CLN6: variants seen among roughly 807,000 people sequenced by gnomAD.
CLN6 encodes CLN6 transmembrane ER protein.
In CLN6, 22 loss-of-function variants were observed where a neutral mutation model predicts 33.3. The ratio of observed to expected loss-of-function variants is 0.66; its 90% confidence interval spans 0.47 to 0.94. The LOEUF (loss-of-function observed/expected upper bound fraction) is 0.94, where lower values mean the gene tolerates loss of function less well. Among genes scored for constraint, CLN6 ranks in the 40% least tolerant of loss-of-function variants. The pLI is 0.00. For missense variants in CLN6, 387 were observed against 417.1 expected (o/e 0.93, Z 0.63); for synonymous variants, 201 against 174.6 (o/e 1.15, Z -1.19).
intron 1 of CLN6, among the ~76,000 whole-genome samples, chr15:68,222,928 C>CAT (rs1316967557): frequency 6.6e-6 from 1 of 152,132 alleles, no homozygotes; most frequent in Non-Finnish European, 1.5e-5. Context: ...TTGAAGGCAG[C>CAT]ATGCTCGTTA....
Position 68,211,220 on chromosome 15 carries a change from G to T in CLN6, c.542+43C>A. The T allele has an allele frequency of 6.3e-7, 1 of 1,577,160 alleles. No individual in the cohort carries two copies. Among genetic ancestry groups the T allele is most frequent in the Non-Finnish European group, 8.7e-7 (1 of 1,146,478 alleles). On this transcript the variant is annotated intron_variant, in intron 5 of 6. Transcript: ENST00000249806. This position sits in a 1 kb window ranked among gnomAD's most constrained non-coding sequence, Gnocchi z 5.9. ...CCTGAGCCAGTGACAGGGCTAGCCGGTAGTTGGGGCCCCTGGGATAGACAG... is the reference window on the plus strand; with the variant it reads ...CCTGAGCCAGTGACAGGGCTAGCCGTTAGTTGGGGCCCCTGGGATAGACAG...
At chr15:68,252,420 TA>T (rs1567106817) in intron 1 of CLN6, among the ~76,000 whole-genome samples, 1 of 152,220 alleles carries the variant, frequency 6.6e-6, no homozygotes, top group East Asian at 1.9e-4. Context: ...TAAATATAAA[TA>T]AATGCCACAA....
rs2093200492 is a variant in CLN6, at chr15:68,210,065, C to G, written c.543-306G>C. On this transcript the variant is annotated intron_variant, in intron 5 of 6. Coordinates refer to ENST00000249806, the MANE Select transcript of CLN6 (RefSeq NM_017882.3). This position sits in a 1 kb window ranked among gnomAD's most constrained non-coding sequence, Gnocchi z 5.6. ...GGGGGGTTGTCTGTCTCATGCACCG[C>G]AGACACCAGCAGCCCAGCACCACAC... Among the ~76,000 whole-genome samples the G allele has an allele frequency of 6.6e-6, 1 of 152,144 alleles. No homozygotes were observed. Among genetic ancestry groups the G allele is most frequent in the South Asian group, 2.1e-4 (1 of 4,828 alleles).
upstream of CLN6, among the ~76,000 whole-genome samples, chr15:68,232,905 C>T (rs974227512): frequency 2.6e-5 from 4 of 152,026 alleles, no homozygotes; most frequent in East Asian, 1.9e-4. The surrounding 1 kb of genome is among the most constrained non-coding windows in gnomAD (Gnocchi z 4.7). Flanking sequence ...AACTGGGTGT[C>T]GTGGCATGTG....
At chr15:68,253,852 T>C (rs1461190618) in intron 1 of CLN6, among the ~76,000 whole-genome samples, 1 of 148,870 alleles carries the variant, frequency 6.7e-6, no homozygotes, top group Non-Finnish European at 1.5e-5. Flanking sequence ...GTAATACCTA[T>C]GCCTATGATA....
intron 1 of CLN6, among the ~76,000 whole-genome samples, chr15:68,224,609 ACT>A (rs1167530020): frequency 2.0e-5 from 2 of 99,856 alleles, no homozygotes; most frequent in East Asian, 2.6e-4. Flanking sequence ...ATACAAAAAG[ACT>A]CTGTCTCAAA....
chr15:68,231,660 G>A (rs972841070), upstream of CLN6, among the ~76,000 whole-genome samples: 5 of 152,374 alleles, frequency 3.3e-5, no homozygotes, highest in East Asian at 3.9e-4. Flanking sequence ...AGAGGATGAG[G>A]CCGTGTGGAG....
In CLN6 at chr15:68,208,853, C is replaced by G. The variant is rs2093195959; in HGVS notation, c.666-443G>C. On this transcript the variant is annotated intron_variant, in intron 6 of 6. Coordinates refer to ENST00000249806, the MANE Select transcript of CLN6 (RefSeq NM_017882.3). The surrounding 1 kb of genome is among the most constrained non-coding windows in gnomAD (Gnocchi z 5.8). ...GCTGCCACCCATTCTTTTTAATCCC[C>G]AGAGAGCATACAGATGAGCCCCAGT... 6.6e-6 allele frequency among the ~76,000 whole-genome samples: 1 copy of G among 152,210 alleles called. No individual in the cohort carries two copies. The highest frequency in any genetic ancestry group is 6.5e-5 in the Admixed American group (1 of 15,288).
intron 1 of CLN6, among the ~76,000 whole-genome samples, chr15:68,237,470 A>G (rs1892232506): frequency 1.3e-5 from 2 of 152,224 alleles, no homozygotes; most frequent in African/African-American, 4.8e-5. Context: ...CTTGGGCAAC[A>G]GAGACCCCAT....
Position 68,246,532 on chromosome 15 carries a change from A to G in CLN6, c.179+10158T>C, listed in dbSNP as rs868702716. Among the ~76,000 whole-genome samples, 1 of 152,234 alleles carries G rather than the reference A, an allele frequency of 6.6e-6. No individual in the cohort carries two copies. Among genetic ancestry groups the G allele is most frequent in the South Asian group, 2.1e-4 (1 of 4,832 alleles). On this transcript the variant is annotated intron_variant, in intron 1 of 6. Transcript: ENST00000538696. The surrounding 1 kb of genome is among the most constrained non-coding windows in gnomAD (Gnocchi z 4.5). ...ATTTTTCAAACGAATCAAAATGGAAATAAACATAACAAAATATATGAGATA... is the reference window on the plus strand; with the variant it reads ...ATTTTTCAAACGAATCAAAATGGAAGTAAACATAACAAAATATATGAGATA...
chr15:68,224,706 G>A (rs1315609983), intron 1 of CLN6, among the ~76,000 whole-genome samples: 5 of 151,668 alleles, frequency 3.3e-5, no homozygotes, highest in South Asian at 4.2e-4. Context: ...ATCATGGAAT[G>A]GTAAAGGCAT....
At chr15:68,213,154 T>A (rs1427732567) in intron 3 of CLN6, 2 of 152,130 alleles carry the variant, frequency 1.3e-5, no homozygotes, top group African/African-American at 4.8e-5. Flanking sequence ...ACTCCTGACC[T>A]CAAGTGATCT....
At chr15:68,240,031 A>G (rs1892267070) in intron 1 of CLN6, among the ~76,000 whole-genome samples, 2 of 152,254 alleles carry the variant, frequency 1.3e-5, no homozygotes, top group Non-Finnish European at 2.9e-5. Flanking sequence ...GTAAGGAATC[A>G]TAAAAGAAAT....
At position 68,209,391 on chromosome 15, in the gene CLN6, G is replaced by C. The variant is rs1015617049; in HGVS notation, c.665+246C>G. On this transcript the variant is annotated intron_variant, in intron 6 of 6. Transcript: ENST00000249806. The surrounding 1 kb of genome is among the most constrained non-coding windows in gnomAD (Gnocchi z 4.9). ...ACAGAGCGAGAGGGGCTTGAGGATG[G>C]AGACAGACTGTGCAACCTCGCCCTC... Among the ~76,000 whole-genome samples the C allele has an allele frequency of 3.9e-4, 59 of 152,112 alleles. 1 individual carries two copies. The highest frequency in any genetic ancestry group is 3.9e-3 in the Admixed American group (59 of 15,270).
rs1018356451 is a variant in CLN6, at chr15:68,241,289, C to T, written c.179+15401G>A. ...AAATACACAGTGCTGAGATGATCAG[C>T]ACTATGCCAGCAATATTCCAGAACC... On this transcript the variant is annotated intron_variant, in intron 1 of 6. Transcript: ENST00000538696. This position sits in a 1 kb window ranked among gnomAD's most constrained non-coding sequence, Gnocchi z 4.2. 6.6e-6 allele frequency among the ~76,000 whole-genome samples: 1 copy of T among 151,810 alleles called. No individual in the cohort carries two copies.
chr15:68,223,194 GAGCCTCAA>G (rs1247344620), intron 1 of CLN6, among the ~76,000 whole-genome samples: 2 of 152,208 alleles, frequency 1.3e-5, no homozygotes, highest in East Asian at 3.9e-4. Flanking sequence ...TGAGGGAAGG[GAGCCTCAA>G]AGCACGGATG....
Position 68,208,835 on chromosome 15 carries a change from C to T in CLN6, c.666-425G>A, listed in dbSNP as rs1567094826. Among the ~76,000 whole-genome samples the T allele has an allele frequency of 6.6e-6, 1 of 152,204 alleles. No individual in the cohort carries two copies. Among genetic ancestry groups the T allele is most frequent in the Non-Finnish European group, 1.5e-5 (1 of 68,044 alleles). ...TCTTTCCCGCTCACTGTAGCTGCCACCCATTCTTTTTAATCCCCAGAGAGC... is the reference window on the plus strand; with the variant it reads ...TCTTTCCCGCTCACTGTAGCTGCCATCCATTCTTTTTAATCCCCAGAGAGC... On this transcript the variant is annotated intron_variant, in intron 6 of 6. Coordinates refer to ENST00000249806, the MANE Select transcript of CLN6 (RefSeq NM_017882.3). This position sits in a 1 kb window ranked among gnomAD's most constrained non-coding sequence, Gnocchi z 5.8.
intron 1 of CLN6, chr15:68,255,007 T>G (rs774776647): frequency 1.2e-5 from 9 of 734,940 alleles, no homozygotes; most frequent in African/African-American, 1.0e-4. Context: ...TTTTACCTTT[T>G]TTTTAAGCTA....
In CLN6 at chr15:68,249,499, A is replaced by C. The variant is rs571302156; in HGVS notation, c.179+7191T>G. Among the ~76,000 whole-genome samples the C allele has an allele frequency of 1.2e-4, 19 of 152,370 alleles. No homozygotes were observed. The East Asian group carries it at 2.5e-3, about 20-fold the overall frequency. On this transcript the variant is annotated intron_variant, in intron 1 of 6. Transcript: ENST00000538696. ...ATGGAATACTGTTCAGCCATGAAAAAGAATGAAACTCTGTCATTGTAGCAA... is the reference window on the plus strand; with the variant it reads ...ATGGAATACTGTTCAGCCATGAAAACGAATGAAACTCTGTCATTGTAGCAA...
Sources: gnomAD v4.1 joint callset for allele counts (sites outside exome capture counted in the v4.1 genomes callset) on GRCh38, gnomAD v4.1.1 for gene constraint, Gnocchi (gnomAD v3.1) non-coding constraint, MANE v1.5 for transcripts, NCBI Gene and HGNC (gene_info 2026-07-23, HGNC 2026-07-21) for gene names.